The following TCF7L1 variants were observed in gnomAD, a reference collection of about 807,000 sequenced individuals.
TCF7L1 encodes transcription factor 7 like 1, also known as transcription factor 7-like 1.
TCF7L1 carries 18 observed loss-of-function variants against 63.7 expected under a neutral mutation model. The observed-to-expected ratio is 0.28, with a 90% CI of 0.20 to 0.42. The LOEUF is 0.42. Among genes scored for constraint, TCF7L1 ranks in the 10% least tolerant of loss-of-function variants. The probability of loss-of-function intolerance (pLI) is 1.00; values close to 1 mark genes in which losing one functional copy is unlikely to be tolerated. For synonymous variants in TCF7L1, 355 were observed against 340.9 expected (o/e 1.04, Z -0.46); for missense variants, 654 against 779.3 (o/e 0.84, Z 1.91).
At chr2:85,138,736 T>C (rs1677653534) in intron 3 of TCF7L1, among the ~76,000 whole-genome samples, 1 of 152,210 alleles carries the variant, frequency 6.6e-6, no homozygotes. Flanking sequence ...TTTGGTCACA[T>C]TCTTCATTGA....
chr2:85,135,932 G>T (rs200470271), intron 3 of TCF7L1, among the ~76,000 whole-genome samples: 2 of 5,762 alleles, frequency 3.5e-4, no homozygotes, highest in Admixed American at 4.4e-3. Flanking sequence ...GCCAATCAAA[G>T]GGGGGGGGGG....
intron 7 of TCF7L1, among the ~76,000 whole-genome samples, chr2:85,304,803 G>T (rs138821408): frequency 6.6e-6 from 1 of 152,088 alleles, no homozygotes; most frequent in African/African-American, 2.4e-5. Context: ...CCTAAGTCAC[G>T]GACTGTCTGT....
rs79488561 is a variant in TCF7L1 at position 85,244,085 on chromosome 2, C to G, written c.442-39410C>G. Among the ~76,000 whole-genome samples, 352 of 152,262 alleles carry G rather than the reference C, an allele frequency of 2.3e-3. 1 individual carries two copies. The highest frequency in any genetic ancestry group is 6.8e-3 in the Middle Eastern group (2 of 294). ...ACACATACACGGGGGAAGAGCACGCCAGGCAGAGGGAACAGCAGGTGCAAA... is the reference window on the plus strand; with the variant it reads ...ACACATACACGGGGGAAGAGCACGCGAGGCAGAGGGAACAGCAGGTGCAAA... On this transcript the variant is annotated intron_variant, in intron 3 of 11. Coordinates refer to ENST00000282111, the MANE Select transcript of TCF7L1 (RefSeq NM_031283.3).
intron 4 of TCF7L1, among the ~76,000 whole-genome samples, chr2:85,295,264 C>T (rs965542233): frequency 6.6e-5 from 10 of 152,098 alleles, no homozygotes; most frequent in East Asian, 5.8e-4. Flanking sequence ...TGCAATGACG[C>T]GATCTTGGCT....
intron 3 of TCF7L1, among the ~76,000 whole-genome samples, chr2:85,256,213 C>T (rs371418642): frequency 8.5e-5 from 13 of 152,308 alleles, no homozygotes; most frequent in Middle Eastern, 3.4e-3. Context: ...GCGTCCCCCC[C>T]GCCCCAACCC....
intron 4 of TCF7L1, among the ~76,000 whole-genome samples, chr2:85,285,587 AG>A (rs1222227102): frequency 6.6e-6 from 1 of 152,232 alleles, no homozygotes; most frequent in Non-Finnish European, 1.5e-5. Context: ...GGCATAAGCC[AG>A]GGTAGTGGCT....
chr2:85,199,662 T>C (rs1381939261), intron 3 of TCF7L1, among the ~76,000 whole-genome samples: 1 of 152,204 alleles, frequency 6.6e-6, no homozygotes, highest in Non-Finnish European at 1.5e-5. Flanking sequence ...TGGGAGTCAT[T>C]GTTGGGGTAT....
At chr2:85,242,964 A>G (rs6547602) in intron 3 of TCF7L1, among the ~76,000 whole-genome samples, 74,996 of 151,946 alleles carry the variant, frequency 0.49, 20,800 homozygotes, top group African/African-American at 0.76. Flanking sequence ...TGGGGCCTCC[A>G]GCAAGTCTTA....
chr2:85,255,385 G>A (rs534067745), intron 3 of TCF7L1, among the ~76,000 whole-genome samples: 18 of 152,128 alleles, frequency 1.2e-4, no homozygotes, highest in Middle Eastern at 3.2e-3. Context: ...ATGCTGTTGT[G>A]TTTCCAAGTT....
At chr2:85,197,176 C>T (rs372502747) in intron 3 of TCF7L1, among the ~76,000 whole-genome samples, 89 of 152,212 alleles carry the variant, frequency 5.8e-4, no homozygotes, top group African/African-American at 2.1e-3. Flanking sequence ...TTTGCAGGGC[C>T]GAGGAAGGTA....
chr2:85,167,327 G>A (rs1678443997), intron 3 of TCF7L1: 1 of 152,088 alleles, frequency 6.6e-6, no homozygotes. Context: ...AAACAGTATA[G>A]AGGTTCTTCA....
chr2:85,265,766 G>GT (rs75640097), intron 3 of TCF7L1, among the ~76,000 whole-genome samples: 2,181 of 143,684 alleles, frequency 0.015, 38 homozygotes, highest in African/African-American at 0.037. Flanking sequence ...ACTTTACTGG[G>GT]TTTTTTTTTT....
intron 3 of TCF7L1, among the ~76,000 whole-genome samples, chr2:85,223,035 A>C (rs1335325785): frequency 6.6e-6 from 1 of 152,172 alleles, no homozygotes; most frequent in East Asian, 1.9e-4. Flanking sequence ...TGGCTTAACC[A>C]GATTCATTAT....
intron 4 of TCF7L1, among the ~76,000 whole-genome samples, chr2:85,285,428 G>A (rs1429871503): frequency 6.6e-6 from 1 of 152,186 alleles, no homozygotes; most frequent in Non-Finnish European, 1.5e-5. Context: ...GCAGCTCTCA[G>A]GTGATTGTCA....
At chr2:85,138,817 C>T (rs879936218) in intron 3 of TCF7L1, among the ~76,000 whole-genome samples, 3 of 152,102 alleles carry the variant, frequency 2.0e-5, no homozygotes, top group Non-Finnish European at 4.4e-5. Context: ...AATCTAACAG[C>T]GTATTCCAGC....
intron 3 of TCF7L1, among the ~76,000 whole-genome samples, chr2:85,165,581 C>T (rs543624737): frequency 6.6e-6 from 1 of 152,122 alleles, no homozygotes; most frequent in African/African-American, 2.4e-5. Flanking sequence ...GTGTTGGAGA[C>T]GCTGAGGCTG....
At chr2:85,140,909 G>GAC (rs898726715) in intron 3 of TCF7L1, among the ~76,000 whole-genome samples, 3 of 83,720 alleles carry the variant, frequency 3.6e-5, no homozygotes, top group African/African-American at 1.5e-4. Flanking sequence ...AAGAGAGAGA[G>GAC]AGACAGAAGA....
At chr2:85,153,626 C>G (rs1451640894) in intron 3 of TCF7L1, among the ~76,000 whole-genome samples, 1 of 152,170 alleles carries the variant, frequency 6.6e-6, no homozygotes, top group Non-Finnish European at 1.5e-5. Flanking sequence ...CAGGCGTGAG[C>G]CACTGCACCC....
chr2:85,284,340 G>A (rs1470441926), intron 4 of TCF7L1, among the ~76,000 whole-genome samples: 1 of 152,132 alleles, frequency 6.6e-6, no homozygotes, highest in African/African-American at 2.4e-5. Context: ...GATGTTATAG[G>A]AAAGAATTCA....
Sources: gnomAD v4.1 joint callset for allele counts (sites outside exome capture counted in the v4.1 genomes callset) on GRCh38, gnomAD v4.1.1 for gene constraint, MANE v1.5 for transcripts, NCBI Gene and HGNC (gene_info 2026-07-23, HGNC 2026-07-21) for gene names.